The following PRUNE2 variants were observed in gnomAD, a reference collection of about 807,000 sequenced individuals.
The protein encoded by PRUNE2 is prune homolog 2 with BCH domain.
In PRUNE2, 164 loss-of-function variants were observed where a neutral mutation model predicts 252.0. The observed-to-expected ratio is 0.65, with a 90% CI of 0.57 to 0.74. PRUNE2 has a LOEUF of 0.74. Ranked by LOEUF, PRUNE2 falls within the 30% of genes least tolerant of loss-of-function variation. The pLI is 0.00. For synonymous variants in PRUNE2, 1,292 were observed against 1,350.2 expected (o/e 0.96, Z 0.94); for missense variants, 3,495 against 3,711.0 (o/e 0.94, Z 1.51).
At chr9:76,688,468 C>T (rs900443353) in intron 9 of PRUNE2, among the ~76,000 whole-genome samples, 6 of 152,154 alleles carry the variant, frequency 3.9e-5, no homozygotes, top group Admixed American at 6.5e-5. Context: ...TTCTCAGACA[C>T]GAAGAATGAA....
Position 76,709,847 on chromosome 9 carries a change from A to G in PRUNE2, c.2427T>C (p.Asp809=). ...AATTCCAGGTATTTTTTAAAGCTTC[A>G]TCATGATCTTCTTTACCAAATGCAC... ...AWSAFGKEDH[D]EALKNTWNLH... is the part of the protein sequence containing the mutation. Residue 809 remains aspartate (D), a synonymous_variant, in exon 8 of 19, where the codon GAT becomes GAC. Transcript: ENST00000376718. 3.1e-6 allele frequency: 5 copies of G among 1,613,828 alleles called. No homozygotes were observed. The highest frequency in any genetic ancestry group is 4.2e-6 in the Non-Finnish European group (5 of 1,179,838).
intron 6 of PRUNE2, among the ~76,000 whole-genome samples, chr9:76,744,307 A>C (rs2135605620): frequency 6.6e-6 from 1 of 152,366 alleles, no homozygotes; most frequent in Middle Eastern, 3.4e-3. Context: ...TAGATGAGTG[A>C]CTAGGGAGAA....
chr9:76,742,364 A>C (rs1392420651), intron 6 of PRUNE2, among the ~76,000 whole-genome samples: 1 of 152,210 alleles, frequency 6.6e-6, no homozygotes, highest in Admixed American at 6.5e-5. Context: ...CTGTTATCCC[A>C]ACACTTTGAG....
At chr9:76,763,525 T>G (rs1025629273) in intron 6 of PRUNE2, among the ~76,000 whole-genome samples, 1 of 152,204 alleles carries the variant, frequency 6.6e-6, no homozygotes, top group Non-Finnish European at 1.5e-5. Flanking sequence ...GTGGTGTACT[T>G]GCCCAGTTCT....
rs955123905 is a variant in PRUNE2 at position 76,906,074 on chromosome 9, C to A, written c.-111G>T. On this transcript the variant is annotated 5_prime_UTR_variant, in exon 1 of 19. Coordinates refer to ENST00000376718, the MANE Select transcript of PRUNE2 (RefSeq NM_015225.3). Reference sequence around the variant, plus strand: ...AAGTGGCCCGCCGGGGCGCAGCGACCGACTGCTCCCTCCTGCCGCTCTGAG... The same window carrying A: ...AAGTGGCCCGCCGGGGCGCAGCGACAGACTGCTCCCTCCTGCCGCTCTGAG... The A allele has an allele frequency of 8.6e-7, 1 of 1,158,706 alleles. No individual in the cohort carries two copies. Among genetic ancestry groups the A allele is most frequent in the African/African-American group, 1.5e-5 (1 of 65,874 alleles). 71.8% of individuals were successfully genotyped at this position (1,158,706 alleles called of 1,614,324 possible). A position where few individuals can be genotyped will look rare whatever the true frequency, so the allele number is the denominator to read the frequency against.
intron 6 of PRUNE2, among the ~76,000 whole-genome samples, chr9:76,750,311 G>A (rs116684061): frequency 1.3e-5 from 2 of 152,234 alleles, no homozygotes; most frequent in African/African-American, 4.8e-5. Flanking sequence ...CTTGTGATTG[G>A]CATGGAAGTT....
At chr9:76,629,326 A>T in intron 15 of PRUNE2, 36 bp from the exon 16 acceptor site, 1 of 1,096,714 alleles carries the variant, frequency 9.1e-7, no homozygotes, top group Non-Finnish European at 1.3e-6. Flanking sequence ...ATGTATCATT[A>T]GTCACTACCT....
chr9:76,811,359 G>A (rs534341953), intron 6 of PRUNE2, among the ~76,000 whole-genome samples: 15 of 152,308 alleles, frequency 9.8e-5, no homozygotes, highest in African/African-American at 3.6e-4. Context: ...TCCCTCAGCA[G>A]TGCTAAAGTT....
intron 6 of PRUNE2, among the ~76,000 whole-genome samples, chr9:76,774,850 T>C (rs952145694): frequency 1.3e-5 from 2 of 152,170 alleles, no homozygotes; most frequent in Admixed American, 6.5e-5. Context: ...AGTGAAAAGA[T>C]TGTAGATTTT....
intron 4 of PRUNE2, among the ~76,000 whole-genome samples, chr9:76,844,945 C>T (rs1249444175): frequency 7.5e-6 from 1 of 134,058 alleles, no homozygotes; most frequent in African/African-American, 2.8e-5. Context: ...CGGTGGATGG[C>T]TTGAGCCCAG....
intron 9 of PRUNE2, among the ~76,000 whole-genome samples, chr9:76,662,179 G>A (rs976901425): frequency 6.6e-6 from 1 of 152,172 alleles, no homozygotes; most frequent in African/African-American, 2.4e-5. Flanking sequence ...CTCAGCCCAG[G>A]AAGTTATAAA....
chr9:76,874,257 TAA>T (rs1237577699), intron 1 of PRUNE2, among the ~76,000 whole-genome samples: 1 of 152,216 alleles, frequency 6.6e-6, no homozygotes, highest in East Asian at 1.9e-4. Flanking sequence ...TTAATGAGGC[TAA>T]GTCTCTGTTT....
intron 1 of PRUNE2, among the ~76,000 whole-genome samples, chr9:76,859,385 C>A (rs556981400): frequency 2.0e-5 from 3 of 152,232 alleles, no homozygotes; most frequent in Non-Finnish European, 4.4e-5. Flanking sequence ...AAAGCACTTT[C>A]AAGCCACCCA....
At chr9:76,819,487 A>C (rs2057907555) in intron 6 of PRUNE2, 1 of 152,214 alleles carries the variant, frequency 6.6e-6, no homozygotes, top group Non-Finnish European at 1.5e-5. Context: ...TCTTGGAAGG[A>C]ACTTATCCTA....
chr9:76,668,097 A>G (rs938835218), intron 9 of PRUNE2, among the ~76,000 whole-genome samples: 1 of 152,190 alleles, frequency 6.6e-6, no homozygotes, highest in Non-Finnish European at 1.5e-5. Flanking sequence ...GTGTTTCTAT[A>G]AGGAATATAA....
chr9:76,801,595 G>T (rs999152508), intron 6 of PRUNE2, among the ~76,000 whole-genome samples: 1 of 151,812 alleles, frequency 6.6e-6, no homozygotes, highest in Admixed American at 6.6e-5. Context: ...ATCTTACCAG[G>T]TTATAATTTA....
At chr9:76,712,488 A>C (rs917666975) in intron 7 of PRUNE2, among the ~76,000 whole-genome samples, 1 of 3,940 alleles carries the variant, frequency 2.5e-4, no homozygotes, top group African/African-American at 7.0e-4. Flanking sequence ...TAGGATGGGG[A>C]GGGTGGGTGG....
chr9:76,890,023 T>G (rs1193289294), intron 1 of PRUNE2, among the ~76,000 whole-genome samples: 1 of 152,214 alleles, frequency 6.6e-6, no homozygotes, highest in African/African-American at 2.4e-5. Context: ...GAATGACCAC[T>G]CTTCCTGAAG....
intron 9 of PRUNE2, among the ~76,000 whole-genome samples, chr9:76,682,444 C>T (rs909049392): frequency 6.6e-6 from 1 of 151,124 alleles, no homozygotes; most frequent in African/African-American, 2.4e-5. Context: ...CCACAACAAC[C>T]TTCGCCTCCT....
Sources: allele counts gnomAD v4.1 joint callset (sites outside exome capture counted in the v4.1 genomes callset), GRCh38; gene constraint gnomAD v4.1.1; transcripts MANE v1.5; gene names NCBI Gene and HGNC (gene_info 2026-07-23, HGNC 2026-07-21).